MACROD1: variants seen among roughly 807,000 people sequenced by gnomAD.
MACROD1 encodes mono-ADP ribosylhydrolase 1.
MACROD1 carries 31 observed loss-of-function variants against 41.4 expected under a neutral mutation model. The observed-to-expected ratio is 0.75, with a 90% CI of 0.56 to 1.01. The LOEUF is 1.01. Among genes scored for constraint, MACROD1 ranks in the 50% least tolerant of loss-of-function variants. The probability of loss-of-function intolerance (pLI) is 0.00; values close to 1 mark genes in which losing one functional copy is unlikely to be tolerated. For synonymous variants in MACROD1, 252 were observed against 203.4 expected (o/e 1.24, Z -2.03); for missense variants, 473 against 460.0 (o/e 1.03, Z -0.26).
intron 3 of MACROD1, chr11:64,103,053 G>C (rs1443413291): frequency 1.3e-5 from 2 of 151,650 alleles, no homozygotes; most frequent in African/African-American, 4.9e-5. Context: ...CCTGGCGACA[G>C]AGCGAGACTC....
chr11:64,079,345 C>A (rs929016216), intron 3 of MACROD1, among the ~76,000 whole-genome samples: 2 of 140,584 alleles, frequency 1.4e-5, no homozygotes, highest in African/African-American at 5.4e-5. Context: ...TGGGAGGTTA[C>A]GGTTAAAGGG....
intron 3 of MACROD1, among the ~76,000 whole-genome samples, chr11:64,039,735 G>C (rs1302014535): frequency 6.6e-6 from 1 of 152,220 alleles, no homozygotes; most frequent in Non-Finnish European, 1.5e-5. Context: ...GGCCCCCAGA[G>C]CACTGCCGCT....
chr11:64,023,945 G>T (rs772531582), intron 3 of MACROD1, among the ~76,000 whole-genome samples: 1 of 152,122 alleles, frequency 6.6e-6, no homozygotes, highest in Non-Finnish European at 1.5e-5. Context: ...GGTTTCTTGG[G>T]CTCTGTCTGC....
At chr11:64,118,605 TTC>T (rs1491395838) in intron 3 of MACROD1, 43 of 288,272 alleles carry the variant, frequency 1.5e-4, no homozygotes, top group South Asian at 2.7e-4. Flanking sequence ...TTTTTTTTTT[TTC>T]CCCCCTGAAC....
chr11:64,031,535 T>C (rs1222800485), intron 3 of MACROD1, among the ~76,000 whole-genome samples: 1 of 144,390 alleles, frequency 6.9e-6, no homozygotes, highest in East Asian at 2.0e-4. Flanking sequence ...TGGAGTGCAG[T>C]GGCACAATCT....
At chr11:64,099,062 G>C (rs767894333) in intron 3 of MACROD1, among the ~76,000 whole-genome samples, 1 of 152,254 alleles carries the variant, frequency 6.6e-6, no homozygotes, top group East Asian at 1.9e-4. Flanking sequence ...AGTGCCAAGG[G>C]TGGGCAGTGG....
chr11:64,152,500 C>T (rs1945597213), intron 1 of MACROD1, 107 bp from the exon 2 acceptor site: 1 of 843,690 alleles, frequency 1.2e-6, no homozygotes, highest in South Asian at 1.4e-5. Flanking sequence ...ACCAGCTCTT[C>T]CTGTCCCTCC....
chr11:64,075,964 G>A (rs1352563499), intron 3 of MACROD1, among the ~76,000 whole-genome samples: 2 of 152,226 alleles, frequency 1.3e-5, no homozygotes, highest in Non-Finnish European at 2.9e-5. Context: ...GTGGGCCACT[G>A]TGCCCGGCCT....
At chr11:64,004,398 G>A (rs1413484491) in intron 4 of MACROD1, among the ~76,000 whole-genome samples, 1 of 152,218 alleles carries the variant, frequency 6.6e-6, no homozygotes, top group Non-Finnish European at 1.5e-5. Flanking sequence ...ATGCATGAAG[G>A]GAAGATTAGA....
At chr11:64,158,140 G>A (rs1416448669) in intron 1 of MACROD1, among the ~76,000 whole-genome samples, 1 of 152,218 alleles carries the variant, frequency 6.6e-6, no homozygotes, top group Non-Finnish European at 1.5e-5. Context: ...TCCCACGGGG[G>A]CTGAAATTAG....
At chr11:64,153,168 G>A (rs963290830) in intron 1 of MACROD1, among the ~76,000 whole-genome samples, 5 of 152,122 alleles carry the variant, frequency 3.3e-5, no homozygotes, top group African/African-American at 1.2e-4. Context: ...GGTGGCACCA[G>A]GCACAGAAAC....
chr11:64,128,697 G>T (rs1472137352), intron 3 of MACROD1, among the ~76,000 whole-genome samples: 1 of 151,224 alleles, frequency 6.6e-6, no homozygotes, highest in Non-Finnish European at 1.5e-5. Flanking sequence ...CCCAGGCCCA[G>T]TGTGGCTTAG....
intron 3 of MACROD1, among the ~76,000 whole-genome samples, chr11:64,021,933 CGGGGGGGGGGG>C (rs1157348141): frequency 1.8e-4 from 1 of 5,488 alleles, no homozygotes; most frequent in Admixed American, 3.0e-3. Flanking sequence ...GGCAGGGGGC[CGGGGGGGGGGG>C]GGGGGGGTGT....
At position 64,120,493 on chromosome 11, in the gene MACROD1, C is replaced by A. The variant is rs1945080057; in HGVS notation, c.517+30746G>T. Among the ~76,000 whole-genome samples, 1 of 152,128 alleles carries A rather than the reference C, an allele frequency of 6.6e-6. No homozygotes were observed. On this transcript the variant is annotated intron_variant, in intron 3 of 10. Coordinates refer to ENST00000255681, the MANE Select transcript of MACROD1 (RefSeq NM_014067.4). This position sits in a 1 kb window ranked among gnomAD's most constrained non-coding sequence, Gnocchi z 4.5. ...TCTGAGGTCAGGAGTTTGAGACCAG[C>A]CTGGCCAACATGGTGAAAGTCCGTC...
chr11:64,091,413 G>A (rs1944488071), intron 3 of MACROD1, among the ~76,000 whole-genome samples: 1 of 151,884 alleles, frequency 6.6e-6, no homozygotes, highest in African/African-American at 2.4e-5. Context: ...GGGGGCGGGT[G>A]GCACCACCGC....
chr11:64,138,068 G>A (rs1039252237), intron 3 of MACROD1, among the ~76,000 whole-genome samples: 49 of 152,202 alleles, frequency 3.2e-4, no homozygotes, highest in Non-Finnish European at 5.9e-5. Context: ...AGGGGACATC[G>A]CTCTCCTGGG....
chr11:64,120,225 G>A lies in MACROD1; in HGVS notation c.517+31014C>T, dbSNP rs1388619448. Among the ~76,000 whole-genome samples, 1 of 152,206 alleles carries A rather than the reference G, an allele frequency of 6.6e-6. No homozygotes were observed. The highest frequency in any genetic ancestry group is 1.5e-5 in the Non-Finnish European group (1 of 68,042). On this transcript the variant is annotated intron_variant, in intron 3 of 10. Transcript: ENST00000255681. The surrounding 1 kb of genome is among the most constrained non-coding windows in gnomAD (Gnocchi z 4.5). ...CAGGCTCCCAGCACGGCCTGGGGGG[G>A]CTAGCCCACGAAATAGGTCCACTCC...
At chr11:64,117,790 T>TGTAGGTGGAGAC (rs1945018603) in intron 3 of MACROD1, 5 of 1,614,028 alleles carry the variant, frequency 3.1e-6, no homozygotes, top group African/African-American at 1.3e-5. Context: ...ATCTGCATGG[T>TGTAGGTGGAGAC]CACCATGGAG....
At chr11:64,150,055 G>T (rs1022240629) in intron 3 of MACROD1, among the ~76,000 whole-genome samples, 5 of 152,238 alleles carry the variant, frequency 3.3e-5, no homozygotes, top group African/African-American at 1.2e-4. Context: ...TGTGTGCCTA[G>T]ACAGGGAATG....
Sources: gnomAD v4.1 joint callset for allele counts (sites outside exome capture counted in the v4.1 genomes callset) on GRCh38, gnomAD v4.1.1 for gene constraint, Gnocchi (gnomAD v3.1) non-coding constraint, MANE v1.5 for transcripts, NCBI Gene and HGNC (gene_info 2026-07-23, HGNC 2026-07-21) for gene names.